Variants in TTPA observed in about 807,000 individuals in gnomAD.
TTPA encodes alpha tocopherol transfer protein, also known as alpha-tocopherol transfer protein.
TTPA carries 23 observed loss-of-function variants against 25.9 expected under a neutral mutation model. The ratio of observed to expected loss-of-function variants is 0.89; its 90% CI spans 0.64 to 1.26. The LOEUF (loss-of-function observed/expected upper bound fraction) is 1.26. Among genes scored for constraint, TTPA ranks in the 50% most tolerant of loss-of-function variants. The pLI, the probability that TTPA is intolerant of heterozygous loss-of-function variation, is 0.00. For missense variants in TTPA, 337 were observed against 353.1 expected (o/e 0.95, Z 0.37); for synonymous variants, 148 against 137.3 (o/e 1.08, Z -0.54).
chr8:63,085,967 C>A lies in TTPA; in HGVS notation c.55G>T (p.Asp19Tyr). Reference sequence around the variant, plus strand: ...CCCGGCTGCAGCAACGGAGAGTGGTCCGGTAGCGCGTTGAGCTGCGGCCCC... The same window carrying A: ...CCCGGCTGCAGCAACGGAGAGTGGTACGGTAGCGCGTTGAGCTGCGGCCCC... ...SAGPQLNALP[D>Y]HSPLLQPGLA... The change falls in exon 1 of 5, where the codon GAC (aspartate) becomes TAC (tyrosine). Residue 19 changes from aspartate to tyrosine, a missense_variant. By Grantham distance (160) the Asp-to-Tyr change is radical. Transcript: ENST00000260116. The A allele has an allele frequency of 1.3e-6, 2 of 1,517,324 alleles. No individual in the cohort carries two copies. Among genetic ancestry groups the A allele is most frequent in the Non-Finnish European group, 1.8e-6 (2 of 1,141,188 alleles). 94.0% of individuals were successfully genotyped at this position (1,517,324 alleles called of 1,614,324 possible). A position where few individuals can be genotyped will look rare whatever the true frequency, so the allele number is the denominator to read the frequency against.
chr8:63,085,925 G>A lies in TTPA; in HGVS notation c.97C>T (p.Arg33Cys). The A allele has an allele frequency of 1.3e-6, 2 of 1,520,054 alleles. No individual in the cohort carries two copies. The highest frequency in any genetic ancestry group is 1.4e-5 in the African/African-American group (1 of 70,472). 94.2% of individuals were successfully genotyped at this position (1,520,054 alleles called of 1,614,324 possible). The part of the protein sequence containing the change: ...LLQPGLAALR[R>C]RAREAGVPLA... ...GGGACGCCAGCTTCCCGGGCCCGGC[G>A]CCGCAGCGCCGCCAGGCCCGGCTGC... is the stretch of plus-strand genomic sequence containing the variant. Residue 33 changes from arginine (R) to cysteine (C), a missense_variant, in exon 1 of 5, where the codon CGC becomes TGC. Coordinates refer to ENST00000260116, the MANE Select transcript of TTPA (RefSeq NM_000370.3).
chr8:63,061,609 A>G (rs1213588016), intron 4 of TTPA, among the ~76,000 whole-genome samples, 184 bp from the exon 5 acceptor site: 1 of 152,174 alleles, frequency 6.6e-6, no homozygotes, highest in Non-Finnish European at 1.5e-5. Flanking sequence ...ATTACTGTGG[A>G]TCTAATAACC....
Position 63,060,964 on chromosome 8 carries a change from C to A in TTPA, c.*288G>T. Reference sequence around the variant, plus strand: ...AGAAACATACAAAGATGCACATGAGCAGCTACTTTAGCAATAACTTTCATG... The same window carrying A: ...AGAAACATACAAAGATGCACATGAGAAGCTACTTTAGCAATAACTTTCATG... On this transcript the variant is annotated 3_prime_UTR_variant, in exon 5 of 5. Coordinates refer to ENST00000260116, the MANE Select transcript of TTPA (RefSeq NM_000370.3). The A allele has an allele frequency of 3.4e-6, 1 of 296,518 alleles. No homozygotes were observed. The highest frequency in any genetic ancestry group is 6.5e-6 in the Non-Finnish European group (1 of 154,374). 18.4% of individuals were successfully genotyped at this position (296,518 alleles called of 1,614,324 possible).
intron 2 of TTPA, among the ~76,000 whole-genome samples, chr8:63,066,624 A>C (rs2129747480): frequency 6.6e-6 from 1 of 152,258 alleles, no homozygotes; most frequent in Non-Finnish European, 1.5e-5. Flanking sequence ...CCACGGAAGC[A>C]CTTAGGTAGC....
chr8:63,084,177 C>T (rs773697264), intron 1 of TTPA, among the ~76,000 whole-genome samples: 6 of 152,084 alleles, frequency 3.9e-5, no homozygotes, highest in Admixed American at 2.6e-4. Context: ...TGAGCTACTG[C>T]GACCTTTGGA....
At chr8:63,074,029 G>T (rs1404497055) in intron 1 of TTPA, among the ~76,000 whole-genome samples, 1 of 151,992 alleles carries the variant, frequency 6.6e-6, no homozygotes, top group South Asian at 2.1e-4. Context: ...TTATTCTCAT[G>T]ATTTTTGGCA....
At chr8:63,059,023 T>TTTTG (rs1805248336), downstream of TTPA, among the ~76,000 whole-genome samples, 1 of 90,184 alleles carries the variant, frequency 1.1e-5, no homozygotes, top group African/African-American at 4.8e-5. Flanking sequence ...GGGTCCAGTT[T>TTTTG]TTTTTTTTTT....
chr8:63,078,879 T>C (rs1237654047), intron 1 of TTPA, among the ~76,000 whole-genome samples: 2 of 151,958 alleles, frequency 1.3e-5, no homozygotes, highest in East Asian at 3.9e-4. Context: ...CCAAGACACA[T>C]AATTGTCAGA....
chr8:63,078,176 T>C (rs1805602561), intron 1 of TTPA, among the ~76,000 whole-genome samples: 1 of 152,092 alleles, frequency 6.6e-6, no homozygotes, highest in Admixed American at 6.6e-5. Context: ...AAACCCCATG[T>C]GTAGGTCATG....
At chr8:63,066,843 A>G (rs1563361765) in intron 2 of TTPA, among the ~76,000 whole-genome samples, 1 of 152,178 alleles carries the variant, frequency 6.6e-6, no homozygotes, top group East Asian at 1.9e-4. Flanking sequence ...ACACACAAAG[A>G]GAGGGAAACC....
intron 1 of TTPA, among the ~76,000 whole-genome samples, chr8:63,079,982 A>G (rs2129780381): frequency 6.6e-6 from 1 of 152,360 alleles, no homozygotes; most frequent in South Asian, 2.1e-4. Context: ...CTCAGACCAC[A>G]GCGCAATCAA....
intron 1 of TTPA, among the ~76,000 whole-genome samples, chr8:63,077,067 A>C (rs935648673): frequency 6.6e-6 from 1 of 152,226 alleles, no homozygotes; most frequent in Non-Finnish European, 1.5e-5. Context: ...AAAATTCTGC[A>C]CAGAAAAAAA....
intron 1 of TTPA, among the ~76,000 whole-genome samples, chr8:63,077,808 G>C (rs1287868628): frequency 6.6e-6 from 1 of 152,176 alleles, no homozygotes; most frequent in Non-Finnish European, 1.5e-5. Flanking sequence ...AGAGCACAGT[G>C]GTTCTCCCAG....
chr8:63,066,102 A>G lies in TTPA; in HGVS notation c.359-5T>C. 3 of 1,612,860 alleles carry G rather than the reference A, an allele frequency of 1.9e-6. No homozygotes were observed. Among genetic ancestry groups the G allele is most frequent in the Non-Finnish European group, 2.5e-6 (3 of 1,179,218 alleles). On this transcript the variant is annotated splice_region_variant and splice_polypyrimidine_tract_variant and intron_variant, in intron 2 of 4. Coordinates refer to ENST00000260116, the MANE Select transcript of TTPA (RefSeq NM_000370.3). ...AAACTTTGGGGTCCCAGTGTGCTAA[A>G]AAAAATAAAGCATATCATATCTTAG...
chr8:63,085,861 C>G lies in TTPA; in HGVS notation c.161G>C (p.Arg54Pro). Residue 54 changes from arginine to proline, a missense_variant, in exon 1 of 5, where the codon CGG becomes CCG. Coordinates refer to ENST00000260116, the MANE Select transcript of TTPA (RefSeq NM_000370.3). ...ATCGAAATCCCGGGCGCGCAGGAAC[C>G]GCAGCAGGAAGGAGTCGGTGAGCGG... ...PLPLTDSFLL[R>P]FLRARDFDLD... 6.5e-7 allele frequency: 1 copy of G among 1,536,190 alleles called. No individual in the cohort carries two copies. The highest frequency in any genetic ancestry group is 8.7e-7 in the Non-Finnish European group (1 of 1,145,526).
At chr8:63,085,085 G>A (rs1805726513) in intron 1 of TTPA, among the ~76,000 whole-genome samples, 1 of 152,190 alleles carries the variant, frequency 6.6e-6, no homozygotes, top group African/African-American at 2.4e-5. Flanking sequence ...TGTTAAACTG[G>A]TTAATGTTCA....
intron 4 of TTPA, among the ~76,000 whole-genome samples, chr8:63,063,977 G>T (rs1303071875): frequency 6.6e-6 from 1 of 152,078 alleles, no homozygotes; most frequent in Non-Finnish European, 1.5e-5. Flanking sequence ...AGCAGTGTAT[G>T]AAAAGCCCAG....
chr8:63,066,097 G>A lies in TTPA; in HGVS notation c.359C>T (p.Ala120Val), dbSNP rs1585687963. The A allele has an allele frequency of 1.4e-6, 2 of 1,461,180 alleles. No individual in the cohort carries two copies. Among genetic ancestry groups the A allele is most frequent in the East Asian group, 5.0e-5 (2 of 39,668 alleles). 90.5% of individuals were successfully genotyped at this position (1,461,180 alleles called of 1,614,324 possible). Residue 120 changes from alanine to valine, a missense_variant and splice_region_variant, in exon 3 of 5, where the codon GCA (alanine) becomes GTA (valine). Coordinates refer to ENST00000260116, the MANE Select transcript of TTPA (RefSeq NM_000370.3). Reference protein sequence around the residue: ...TGSKVLIYRIAHWDPKVFTAY... With the variant: ...TGSKVLIYRIVHWDPKVFTAY... ...TGTAAAAACTTTGGGGTCCCAGTGTGCTAAAAAAAATAAAGCATATCATAT... is the reference window on the plus strand; with the variant it reads ...TGTAAAAACTTTGGGGTCCCAGTGTACTAAAAAAAATAAAGCATATCATAT...
At chr8:63,068,179 C>G (rs371245794) in intron 2 of TTPA, among the ~76,000 whole-genome samples, 1 of 152,036 alleles carries the variant, frequency 6.6e-6, no homozygotes, top group Non-Finnish European at 1.5e-5. Context: ...ACATGATGAT[C>G]CACAACAGGG....
Sources: gnomAD v4.1 joint callset for allele counts (sites outside exome capture counted in the v4.1 genomes callset) on GRCh38, gnomAD v4.1.1 for gene constraint, MANE v1.5 for transcripts, NCBI Gene and HGNC (gene_info 2026-07-23, HGNC 2026-07-21) for gene names.